The following WDR48 variants were observed in gnomAD, a reference collection of about 807,000 sequenced individuals.
WDR48 encodes WD repeat domain 48.
In WDR48, 22 loss-of-function variants were observed where a neutral mutation model predicts 94.0. That is an observed-to-expected ratio of 0.23 (90% CI 0.17 to 0.33). The LOEUF is 0.33. Among genes scored for constraint, WDR48 ranks in the 10% least tolerant of loss-of-function variants. The pLI is 1.00. For missense variants in WDR48, 541 were observed against 813.8 expected (o/e 0.66, Z 4.08); for synonymous variants, 278 against 280.5 (o/e 0.99, Z 0.09).
intron 2 of WDR48, among the ~76,000 whole-genome samples, chr3:39,063,961 A>G (rs1290794243): frequency 6.6e-6 from 1 of 152,184 alleles, no homozygotes; most frequent in African/African-American, 2.4e-5. Flanking sequence ...AAATAAATAA[A>G]TAAAGATAAT....
In WDR48 at chr3:39,087,802, C is replaced by G. The variant is rs551478888; in HGVS notation, c.1475-326C>G. The G allele has an allele frequency of 1.3e-4, 23 of 175,484 alleles. 1 individual carries two copies. The South Asian group carries it at 2.9e-3, about 22-fold the overall frequency. 10.9% of individuals were successfully genotyped at this position (175,484 alleles called of 1,614,324 possible). A position where few individuals can be genotyped will look rare whatever the true frequency, so the allele number is the denominator to read the frequency against. On this transcript the variant is annotated intron_variant, in intron 14 of 18. Transcript: ENST00000302313. ...TACAAAAAACAAAAACAAAAAAACT[C>G]TAGATCTTCGTTTATATACAGGCTG... is the stretch of plus-strand genomic sequence containing the variant.
At chr3:39,069,617 G>A in intron 6 of WDR48, 26 bp from the exon 7 acceptor site, 1 of 1,562,394 alleles carries the variant, frequency 6.4e-7, no homozygotes, top group Middle Eastern at 1.7e-4. Flanking sequence ...TATTTAGTTT[G>A]TGTAATACTC....
intron 1 of WDR48, 122 bp downstream of exon 1, chr3:39,052,195 G>A (rs1181029004): frequency 2.4e-6 from 3 of 1,255,484 alleles, no homozygotes; most frequent in Admixed American, 2.3e-5. Flanking sequence ...GGGGCGGGGC[G>A]CGGCCGGCCA....
intron 7 of WDR48, among the ~76,000 whole-genome samples, chr3:39,070,879 G>T (rs1387416922): frequency 1.3e-5 from 2 of 151,868 alleles, no homozygotes; most frequent in Non-Finnish European, 2.9e-5. Context: ...TCCCCTTCCT[G>T]TGTCCATGTG....
At chr3:39,066,520 G>A (rs2033619203) in intron 3 of WDR48, 28 bp from the exon 4 acceptor site, 3 of 1,593,240 alleles carry the variant, frequency 1.9e-6, no homozygotes, top group Admixed American at 1.7e-5. Context: ...TACTACTAAG[G>A]AGTTTGTTAA....
At position 39,091,792 on chromosome 3, in the gene WDR48, C is replaced by T. The variant is rs914780029; in HGVS notation, c.1745+91C>T. 5 of 1,082,152 alleles carry T rather than the reference C, an allele frequency of 4.6e-6. No homozygotes were observed. The African/African-American group carries it at 4.9e-5, about 11-fold the overall frequency. 67.0% of individuals were successfully genotyped at this position (1,082,152 alleles called of 1,614,324 possible). A position where few individuals can be genotyped will look rare whatever the true frequency, so the allele number is the denominator to read the frequency against. Reference sequence around the variant, plus strand: ...CTTTTATAGCAAAGGAAGCAAATACCAGATCTAAGGCTGATTTTATAATAT... The same window carrying T: ...CTTTTATAGCAAAGGAAGCAAATACTAGATCTAAGGCTGATTTTATAATAT... On this transcript the variant is annotated intron_variant, in intron 17 of 18. Coordinates refer to ENST00000302313, the MANE Select transcript of WDR48 (RefSeq NM_020839.4).
Position 39,065,984 on chromosome 3 carries a change from A to G in WDR48, c.268+95A>G, listed in dbSNP as rs2033581336. ...GAAACATACATACAGAAAAGTACAC[A>G]CACTTCGAGATTGCAGTTCAACACA... On this transcript the variant is annotated intron_variant, in intron 3 of 18. Coordinates refer to ENST00000302313, the MANE Select transcript of WDR48 (RefSeq NM_020839.4). 4 of 838,900 alleles carry G rather than the reference A, an allele frequency of 4.8e-6. No individual in the cohort carries two copies. In the South Asian group the frequency reaches 6.9e-5, roughly 14 times the overall value. The allele number at this position is 838,900 out of a possible 1,614,324, so 52.0% of individuals were successfully genotyped here.
chr3:39,063,087 A>C lies in WDR48; in HGVS notation c.86A>C (p.Asn29Thr), dbSNP rs1010330091. The change falls in exon 2 of 19, where the codon AAC (asparagine) becomes ACC (threonine). Residue 29 changes from asparagine (N) to threonine (T), a missense_variant. Transcript: ENST00000302313. ...YVIRDEVEKY[N>T]RNGVNALQLD... is the part of the protein sequence containing the mutation. ...ATTCGAGATGAAGTGGAGAAGTACA[A>C]CCGAAATGGAGTCAATGCTCTGCAG... 6 of 1,614,142 alleles carry C rather than the reference A, an allele frequency of 3.7e-6. No homozygotes were observed. The highest frequency in any genetic ancestry group is 5.1e-6 in the Non-Finnish European group (6 of 1,179,996).
rs143303145 is a variant in WDR48 at position 39,094,387 on chromosome 3, A to C, written c.1939-261A>C. 1,796 of 1,473,198 alleles carry C rather than the reference A, an allele frequency of 1.2e-3. 1 individual carries two copies. Among genetic ancestry groups the C allele is most frequent in the Non-Finnish European group, 1.5e-3 (1,683 of 1,116,910 alleles). The allele number at this position is 1,473,198 out of a possible 1,614,324, so 91.3% of individuals were successfully genotyped here. A position where few individuals can be genotyped will look rare whatever the true frequency, so the allele number is the denominator to read the frequency against. Reference sequence around the variant, plus strand: ...CGGAGAAATGGCAGAACTGTTTTTTAAATCAAGATGCACTCAAAACGTATC... The same window carrying C: ...CGGAGAAATGGCAGAACTGTTTTTTCAATCAAGATGCACTCAAAACGTATC... On this transcript the variant is annotated intron_variant, in intron 18 of 18. Coordinates refer to ENST00000302313, the MANE Select transcript of WDR48 (RefSeq NM_020839.4).
chr3:39,094,482 C>A (rs2035239754), intron 18 of WDR48, 166 bp from the exon 19 acceptor site: 2 of 1,534,916 alleles, frequency 1.3e-6, no homozygotes, highest in Non-Finnish European at 1.7e-6. Context: ...TCTCACTAAG[C>A]TCAATTTCAT....
At chr3:39,052,928 G>T (rs151321281) in intron 1 of WDR48, among the ~76,000 whole-genome samples, 1 of 152,148 alleles carries the variant, frequency 6.6e-6, no homozygotes, top group Non-Finnish European at 1.5e-5. Context: ...TGTAAATGAC[G>T]AGTTGATGGG....
Position 39,068,849 on chromosome 3 carries a change from C to A in WDR48, c.560C>A (p.Ser187Tyr). Residue 187 changes from serine to tyrosine, a missense_variant, in exon 6 of 19, where the codon TCC becomes TAC. Transcript: ENST00000302313. ...NQLGTIIVSG[S>Y]TEKVLRVWDP... ...CTGGGAACAATCATTGTATCAGGGT[C>A]CACTGAAAAGGTAAGGAGGAGCTTA... is the stretch of plus-strand genomic sequence containing the variant. 6.3e-7 allele frequency: 1 copy of A among 1,596,026 alleles called. No individual in the cohort carries two copies.
chr3:39,089,928 A>G (rs369779359), intron 16 of WDR48: 1 of 152,288 alleles, frequency 6.6e-6, no homozygotes, highest in East Asian at 1.9e-4. Context: ...GTTGTTTCCA[A>G]TGTTTTCTAT....
chr3:39,093,901 C>G lies in WDR48; in HGVS notation c.1773C>G (p.Leu591=), dbSNP rs1030039144. ...ATAGACTCTCTGCTAGTGACATGCT[C>G]CAAGTCCGAAAAGTTATGGAACATG... The part of the protein sequence containing the change: ...KKDRLSASDM[L]QVRKVMEHVY... Residue 591 remains leucine, a synonymous_variant, in exon 18 of 19, where the codon CTC becomes CTG. Coordinates refer to ENST00000302313, the MANE Select transcript of WDR48 (RefSeq NM_020839.4). The G allele has an allele frequency of 6.2e-7, 1 of 1,610,890 alleles. No individual in the cohort carries two copies. The highest frequency in any genetic ancestry group is 1.3e-5 in the African/African-American group (1 of 74,650).
At position 39,094,648 on chromosome 3, in the gene WDR48, G is replaced by A. The variant is rs182275703; in HGVS notation, c.1939G>A (p.Val647Ile). Reference sequence around the variant, plus strand: ...TTTAAATTTAATTTTGGCTATTCAGGTTTTGGATCCAAATATGGACCTTCG... The same window carrying A: ...TTTAAATTTAATTTTGGCTATTCAGATTTTGGATCCAAATATGGACCTTCG... ...EKIELLCQDQ[V>I]LDPNMDLRTV... is the part of the protein sequence containing the mutation. The change falls in exon 19 of 19, where the codon GTT becomes ATT. Residue 647 changes from valine (V) to isoleucine (I), a missense_variant and splice_region_variant. Around this residue, in one of 5 missense-constraint regions of WDR48, gnomAD observed 109 missense variants for 195.5 expected, o/e 0.56. Transcript: ENST00000302313. 2.5e-6 allele frequency: 4 copies of A among 1,614,092 alleles called. No individual in the cohort carries two copies. In the South Asian group the frequency reaches 4.4e-5, roughly 18 times the overall value.
intron 12 of WDR48, 79 bp from the exon 13 acceptor site, chr3:39,084,566 G>C: frequency 1.5e-6 from 2 of 1,311,156 alleles, no homozygotes; most frequent in South Asian, 2.7e-5. Context: ...TAGTCAAATA[G>C]TACAAATAAA....
At chr3:39,073,350 G>C (rs970665294) in intron 7 of WDR48, among the ~76,000 whole-genome samples, 1 of 152,198 alleles carries the variant, frequency 6.6e-6, no homozygotes, top group Non-Finnish European at 1.5e-5. Context: ...CTGGCATCTT[G>C]TGGGAGAGTT....
intron 7 of WDR48, among the ~76,000 whole-genome samples, chr3:39,070,951 C>G (rs572175806): frequency 2.6e-5 from 4 of 151,984 alleles, no homozygotes; most frequent in Admixed American, 2.0e-4. Flanking sequence ...TTTGTTCTTG[C>G]GATAGTTTAC....
chr3:39,071,991 A>C (rs1373255874), intron 7 of WDR48, among the ~76,000 whole-genome samples: 1 of 152,248 alleles, frequency 6.6e-6, no homozygotes, highest in Non-Finnish European at 1.5e-5. Flanking sequence ...GGTGGTTATC[A>C]GTTACTGGGC....
Sources: allele counts gnomAD v4.1 joint callset (sites outside exome capture counted in the v4.1 genomes callset), GRCh38; gene constraint gnomAD v4.1.1; regional missense constraint gnomAD v4.1.1; transcripts MANE v1.5; gene names NCBI Gene and HGNC (gene_info 2026-07-23, HGNC 2026-07-21).